SHANK1: variants seen among roughly 807,000 people sequenced by gnomAD.
SHANK1 encodes SH3 and multiple ankyrin repeat domains protein 1.
SHANK1 carries 35 observed loss-of-function variants against 165.6 expected under a neutral mutation model. The ratio of observed to expected loss-of-function variants is 0.21; its 90% CI spans 0.16 to 0.28. The LOEUF (loss-of-function observed/expected upper bound fraction) is 0.28, where lower values mean the gene tolerates loss of function less well. Ranked by LOEUF, SHANK1 falls within the 10% of genes least tolerant of loss-of-function variation. The pLI, the probability that SHANK1 is intolerant of heterozygous loss-of-function variation, is 1.00. For missense variants in SHANK1, 2,681 were observed against 3,036.4 expected, an observed-to-expected ratio of 0.88 and a Z score of 2.75; for synonymous variants, 1,428 against 1,384.8, an observed-to-expected ratio of 1.03 and a Z score of -0.69.
rs376677967 is a variant in SHANK1 at position 50,686,264 on chromosome 19, G to C, written c.2550C>G (p.His850Gln). Residue 850 changes from histidine to glutamine, a missense_variant, in exon 21 of 24, where the codon CAC becomes CAG. Physicochemically the swap from His to Gln is conservative, Grantham distance 24. Coordinates refer to ENST00000293441, the MANE Select transcript of SHANK1 (RefSeq NM_016148.5). This position sits in a 1 kb window ranked among gnomAD's most constrained non-coding sequence, Gnocchi z 5.7. ...CAGTGGCAAAGAAACCTTTGGGTCGGTGTTTGCCCAGGGACGCGAGGCCAC... is the reference window on the plus strand; with the variant it reads ...CAGTGGCAAAGAAACCTTTGGGTCGCTGTTTGCCCAGGGACGCGAGGCCAC... ...GPGGLASLGK[H>Q]RPKGFFATES... 2 of 1,606,172 alleles carry C rather than the reference G, an allele frequency of 1.2e-6. No individual in the cohort carries two copies. The highest frequency in any genetic ancestry group is 2.7e-5 in the African/African-American group (2 of 74,592).
intron 19 of SHANK1, chr19:50,687,190 C>A: frequency 3.9e-6 from 2 of 512,144 alleles, no homozygotes; most frequent in Non-Finnish European, 6.9e-6. Context: ...AAATGGGACC[C>A]CCAGGTCCAC....
intron 19 of SHANK1, among the ~76,000 whole-genome samples, chr19:50,687,193 A>G (rs1986376853): frequency 1.3e-5 from 2 of 149,774 alleles, no homozygotes; most frequent in Non-Finnish European, 3.0e-5. Context: ...TGGGACCCCC[A>G]GGTCCACTCG....
Position 50,668,220 on chromosome 19 carries a change from T to C in SHANK1, c.3740A>G (p.Gln1247Arg). 6.7e-7 allele frequency: 1 copy of C among 1,491,642 alleles called. No homozygotes were observed. The highest frequency in any genetic ancestry group is 8.8e-7 in the Non-Finnish European group (1 of 1,133,462). The allele number at this position is 1,491,642 out of a possible 1,614,324, so 92.4% of individuals were successfully genotyped here. A position where few individuals can be genotyped will look rare whatever the true frequency, so the allele number is the denominator to read the frequency against. The change falls in exon 23 of 24, where the codon CAG (glutamine) becomes CGG (arginine). Residue 1247 changes from glutamine (Q) to arginine (R), a missense_variant. Physicochemically the swap from Gln to Arg is conservative, Grantham distance 43 (BLOSUM62 1). This residue lies in a region of SHANK1 where 1,713 missense variants were observed against 1,630.2 expected (regional missense o/e 1.05). Coordinates refer to ENST00000293441, the MANE Select transcript of SHANK1 (RefSeq NM_016148.5). Reference protein sequence around the residue: ...VGAARREGGWQNEARRRSTLF... With the variant: ...VGAARREGGWRNEARRRSTLF... ...CGTGGAGCGCCGGCGCGCCTCATTC[T>C]GCCAGCCCCCCTCCCTCCGGGCCGC...
intron 21 of SHANK1, among the ~76,000 whole-genome samples, chr19:50,684,682 G>A (rs1023169104): frequency 1.3e-5 from 2 of 152,156 alleles, no homozygotes; most frequent in African/African-American, 4.8e-5. Flanking sequence ...AATTAAATAT[G>A]TAAGCAGCAA....
chr19:50,679,289 C>T (rs951571407), intron 21 of SHANK1, among the ~76,000 whole-genome samples: 1 of 150,950 alleles, frequency 6.6e-6, no homozygotes, highest in African/African-American at 2.4e-5. Flanking sequence ...GGGGTGTCCC[C>T]GACAGAGGAG....
In SHANK1 at chr19:50,667,798, G is replaced by A; in HGVS notation, c.4162C>T (p.Pro1388Ser). Residue 1388 changes from proline to serine, a missense_variant, in exon 23 of 24, where the codon CCG becomes TCG. Physicochemically the swap from Pro to Ser is moderately conservative, Grantham distance 74. This residue lies in a region of SHANK1 where 1,713 missense variants were observed against 1,630.2 expected (regional missense o/e 1.05). Coordinates refer to ENST00000293441, the MANE Select transcript of SHANK1 (RefSeq NM_016148.5). The surrounding 1 kb of genome is among the most constrained non-coding windows in gnomAD (Gnocchi z 5.7). ...GAGTGGTGGTGCGGGGTGGGCGGCG[G>A]GGCCTCGTAGCGGGGCGATGGGGGC... ...PRPPSPRYEA[P>S]PPTPHHHSPH... 1 of 1,292,724 alleles carries A rather than the reference G, an allele frequency of 7.7e-7. No individual in the cohort carries two copies. The highest frequency in any genetic ancestry group is 9.8e-7 in the Non-Finnish European group (1 of 1,024,720). 80.1% of individuals were successfully genotyped at this position (1,292,724 alleles called of 1,614,324 possible).
rs2123082539 is a variant in SHANK1, at chr19:50,668,345, T to G, written c.3615A>C (p.Ser1205=). ...CGGGCGAGGGGGACGGGGGCACGGG[T>G]GACATGGCCGGGGCGGGGCTGGGCG... The part of the protein sequence containing the change: ...GSSPSPAPAM[S]PVPPSPSPVP... The change falls in exon 23 of 24, where the codon TCA becomes TCC. Residue 1205 remains serine, a synonymous_variant. Coordinates refer to ENST00000293441, the MANE Select transcript of SHANK1 (RefSeq NM_016148.5). 8.0e-7 allele frequency: 1 copy of G among 1,247,856 alleles called. No individual in the cohort carries two copies. 77.3% of individuals were successfully genotyped at this position (1,247,856 alleles called of 1,614,324 possible).
intron 21 of SHANK1, among the ~76,000 whole-genome samples, chr19:50,674,791 G>A (rs960531173): frequency 1.3e-5 from 2 of 152,148 alleles, no homozygotes; most frequent in Non-Finnish European, 2.9e-5. Context: ...GCTGGGCACG[G>A]TGGCTCATGC....
intron 6 of SHANK1, 105 bp from the exon 7 acceptor site, chr19:50,712,219 A>T: frequency 8.3e-7 from 1 of 1,206,282 alleles, no homozygotes; most frequent in Admixed American, 2.6e-5. Flanking sequence ...GGTGACCTAC[A>T]GTGGCCAATG....
chr19:50,668,169 T>G lies in SHANK1; in HGVS notation c.3791A>C (p.Asp1264Ala). The change falls in exon 23 of 24, where the codon GAC becomes GCC. Residue 1264 changes from aspartate to alanine, a missense_variant. By Grantham distance (126) the Asp-to-Ala change is moderately radical. Coordinates refer to ENST00000293441, the MANE Select transcript of SHANK1 (RefSeq NM_016148.5). Reference protein sequence around the residue: ...STLFLSTDAGDEDGGDGGLGT... With the variant: ...STLFLSTDAGAEDGGDGGLGT... ...CAGCCCGCCGTCCCCGCCGTCCTCG[T>G]CCCCCGCGTCGGTGGACAGGAACAG... 1.4e-6 allele frequency: 2 copies of G among 1,466,524 alleles called. No individual in the cohort carries two copies. The highest frequency in any genetic ancestry group is 1.8e-6 in the Non-Finnish European group (2 of 1,118,270). The allele number at this position is 1,466,524 out of a possible 1,614,324, so 90.8% of individuals were successfully genotyped here. A position where few individuals can be genotyped will look rare whatever the true frequency, so the allele number is the denominator to read the frequency against.
At position 50,697,521 on chromosome 19, in the gene SHANK1, T is replaced by C. The variant is rs1986780083; in HGVS notation, c.1937+68A>G. ...AGGGGGCTTAGAGGTGATGGAAATA[T>C]TTAAAGGTGTACATTGTGAAGGGAA... is the stretch of plus-strand genomic sequence containing the variant. On this transcript the variant is annotated intron_variant, in intron 14 of 23. Transcript: ENST00000293441. This position sits in a 1 kb window ranked among gnomAD's most constrained non-coding sequence, Gnocchi z 4.7. 4.3e-6 allele frequency: 5 copies of C among 1,170,978 alleles called. No homozygotes were observed. The Admixed American group carries it at 6.7e-5, about 16-fold the overall frequency. 72.5% of individuals were successfully genotyped at this position (1,170,978 alleles called of 1,614,324 possible). A position where few individuals can be genotyped will look rare whatever the true frequency, so the allele number is the denominator to read the frequency against.
At position 50,666,255 on chromosome 19, in the gene SHANK1, C is replaced by T; in HGVS notation, c.5705G>A (p.Gly1902Glu). Residue 1902 changes from glycine to glutamate, a missense_variant, in exon 23 of 24, where the codon GGA becomes GAA. Gly to Glu is a moderately conservative substitution (Grantham distance 98). Coordinates refer to ENST00000293441, the MANE Select transcript of SHANK1 (RefSeq NM_016148.5). ...PWARGGSGGG[G>E]DSHHGGASYV... ...GCTGGCTCCCCCGTGGTGGCTGTCT[C>T]CGCCTCCCCCACTGCCTCCTCGGGC... The T allele has an allele frequency of 6.2e-7, 1 of 1,610,164 alleles. No individual in the cohort carries two copies. Among genetic ancestry groups the T allele is most frequent in the Non-Finnish European group, 8.5e-7 (1 of 1,178,768 alleles).
chr19:50,704,005 A>G (rs959865240), intron 10 of SHANK1, 115 bp downstream of exon 10: 3 of 1,124,202 alleles, frequency 2.7e-6, no homozygotes, highest in African/African-American at 3.1e-5. Flanking sequence ...TTGGTCCTCT[A>G]GGGTTTTCTC....
rs867180276 is a variant in SHANK1 at position 50,694,883 on chromosome 19, G to A, written c.1964+2213C>T. ...GCCTGCCGGCCGGCCCGCAAAGCAG[G>A]AGGCGGCGCGCTCCGTTACCTGTAG... On this transcript the variant is annotated intron_variant, in intron 15 of 23. Coordinates refer to ENST00000293441, the MANE Select transcript of SHANK1 (RefSeq NM_016148.5). Among the ~76,000 whole-genome samples the A allele has an allele frequency of 7.2e-3, 1,083 of 150,754 alleles. 18 individuals carry two copies. The highest frequency in any genetic ancestry group is 0.025 in the African/African-American group (1,026 of 41,256).
At chr19:50,703,396 G>A in intron 11 of SHANK1, 104 bp downstream of exon 11, 1 of 960,962 alleles carries the variant, frequency 1.0e-6, no homozygotes, top group Non-Finnish European at 1.5e-6. Flanking sequence ...CTTGGATGAG[G>A]GCCTACAGAG....
In SHANK1 at chr19:50,668,149, C is replaced by T. The variant is rs1196808019; in HGVS notation, c.3811G>A (p.Gly1271Arg). ...CCCGGGGCCGCCCCTGTGCCCAGCC[C>T]GCCGTCCCCGCCGTCCTCGTCCCCC... Reference protein sequence around the residue: ...DAGDEDGGDGGLGTGAAPGPR... With the variant: ...DAGDEDGGDGRLGTGAAPGPR... The change falls in exon 23 of 24, where the codon GGG (glycine) becomes AGG (arginine). Residue 1271 changes from glycine to arginine, a missense_variant. Around this residue, in one of 10 missense-constraint regions of SHANK1, gnomAD observed 1,713 missense variants for 1,630.2 expected, o/e 1.05. Coordinates refer to ENST00000293441, the MANE Select transcript of SHANK1 (RefSeq NM_016148.5). 6.9e-7 allele frequency: 1 copy of T among 1,457,086 alleles called. No homozygotes were observed. Among genetic ancestry groups the T allele is most frequent in the Admixed American group, 2.7e-5 (1 of 37,698 alleles). The allele number at this position is 1,457,086 out of a possible 1,614,324, so 90.3% of individuals were successfully genotyped here.
At position 50,690,866 on chromosome 19, in the gene SHANK1, C is replaced by T. The variant is rs866348828; in HGVS notation, c.1965-1587G>A. Among the ~76,000 whole-genome samples, 11 of 152,098 alleles carry T rather than the reference C, an allele frequency of 7.2e-5. No individual in the cohort carries two copies. The highest frequency in any genetic ancestry group is 1.3e-4 in the Non-Finnish European group (9 of 68,024). ...TGCTCCACTGTATTTAGGTACCACC[C>T]CCACAAGCACCCCTGTATGCTCCCA... is the stretch of plus-strand genomic sequence containing the variant. On this transcript the variant is annotated intron_variant, in intron 15 of 23. Transcript: ENST00000293441. The surrounding 1 kb of genome is among the most constrained non-coding windows in gnomAD (Gnocchi z 4.9).
intron 21 of SHANK1, among the ~76,000 whole-genome samples, chr19:50,676,096 G>A (rs897639115): frequency 2.0e-5 from 3 of 152,010 alleles, no homozygotes; most frequent in Non-Finnish European, 2.9e-5. Context: ...CCAGGAGTTC[G>A]AGACTAGCCT....
At chr19:50,680,382 A>G (rs1170117610) in intron 21 of SHANK1, among the ~76,000 whole-genome samples, 1 of 152,038 alleles carries the variant, frequency 6.6e-6, no homozygotes, top group South Asian at 2.1e-4. Flanking sequence ...AGAGGGAGCA[A>G]TGACGTCTCA....
Sources: gnomAD v4.1 joint callset for allele counts (sites outside exome capture counted in the v4.1 genomes callset) on GRCh38, gnomAD v4.1.1 for gene constraint, gnomAD v4.1.1 regional missense constraint, Gnocchi (gnomAD v3.1) non-coding constraint, MANE v1.5 for transcripts, NCBI Gene and HGNC (gene_info 2026-07-23, HGNC 2026-07-21) for gene names.